The following NT5C2 variants were observed in gnomAD, a reference collection of about 807,000 sequenced individuals.
NT5C2 encodes cytosolic purine 5'-nucleotidase.
A neutral mutation model predicts 76.1 loss-of-function variants in NT5C2; 58 were observed. The ratio of observed to expected loss-of-function variants is 0.76; its 90% CI spans 0.62 to 0.95. The LOEUF (loss-of-function observed/expected upper bound fraction) is 0.95. NT5C2 is among the 40% of genes least tolerant of loss of function. The pLI is 0.00. For synonymous variants in NT5C2, 229 were observed against 237.4 expected (o/e 0.96, Z 0.32); for missense variants, 478 against 690.3 (o/e 0.69, Z 3.45).
At chr10:103,096,044 A>T in intron 11 of NT5C2, 64 bp from the exon 12 acceptor site, 1 of 1,166,980 alleles carries the variant, frequency 8.6e-7, no homozygotes, top group Non-Finnish European at 1.3e-6. Flanking sequence ...TAACCTAAAG[A>T]AATTACAAGC....
At chr10:103,092,145 C>T (rs1020505909) in intron 15 of NT5C2, among the ~76,000 whole-genome samples, 1 of 152,154 alleles carries the variant, frequency 6.6e-6, no homozygotes, top group Non-Finnish European at 1.5e-5. Flanking sequence ...AGCATGCTGC[C>T]GGTGTGTTGC....
chr10:103,157,587 A>T (rs1002677656), intron 3 of NT5C2, among the ~76,000 whole-genome samples: 3 of 152,198 alleles, frequency 2.0e-5, no homozygotes, highest in Non-Finnish European at 2.9e-5. Flanking sequence ...ATGCTACACA[A>T]ATTAAGGTAA....
chr10:103,169,918 A>G (rs1030289427), intron 3 of NT5C2, among the ~76,000 whole-genome samples: 1 of 152,140 alleles, frequency 6.6e-6, no homozygotes, highest in Non-Finnish European at 1.5e-5. Flanking sequence ...CAAGGTCAGG[A>G]GTTCAAGACC....
chr10:103,188,344 C>T (rs2092298019), intron 1 of NT5C2, among the ~76,000 whole-genome samples: 1 of 151,232 alleles, frequency 6.6e-6, no homozygotes, highest in Non-Finnish European at 1.5e-5. Context: ...GGCGACAGTG[C>T]AAAAATCAAA....
chr10:103,184,088 G>A (rs1691035479), intron 1 of NT5C2, among the ~76,000 whole-genome samples: 1 of 151,984 alleles, frequency 6.6e-6, no homozygotes, highest in Admixed American at 6.6e-5. Context: ...AAGTAGCTGG[G>A]ATTACAGGCA....
rs544009506 is a variant in NT5C2, at chr10:103,112,497, T to C, written c.176-5791A>G. ...AGTTAAAAGAAACTACCTAGTCTAGTAAAATAACTGAGTTGAAGATACATA... is the reference window on the plus strand; with the variant it reads ...AGTTAAAAGAAACTACCTAGTCTAGCAAAATAACTGAGTTGAAGATACATA... On this transcript the variant is annotated intron_variant, in intron 4 of 18. Transcript: ENST00000404739. Among the ~76,000 whole-genome samples the C allele has an allele frequency of 2.0e-5, 3 of 152,336 alleles. No individual in the cohort carries two copies. In the East Asian group the frequency reaches 5.8e-4, roughly 29 times the overall value.
chr10:103,089,177 T>C lies in NT5C2; in HGVS notation c.*495A>G, dbSNP rs939238151. On this transcript the variant is annotated 3_prime_UTR_variant, in exon 19 of 19. Coordinates refer to ENST00000404739, the MANE Select transcript of NT5C2 (RefSeq NM_001351169.2). ...GAATTAAAGGCTTATAAAAGAAAAC[T>C]TGACCTTAACAGAGACTACATTTGA... is the stretch of plus-strand genomic sequence containing the variant. 1.7e-4 allele frequency: 39 copies of C among 225,020 alleles called. No individual in the cohort carries two copies. In the Admixed American group the frequency reaches 1.8e-3, roughly 10 times the overall value. The allele number at this position is 225,020 out of a possible 1,614,324, so 13.9% of individuals were successfully genotyped here.
chr10:103,100,545 C>T, intron 8 of NT5C2: 1 of 391,726 alleles, frequency 2.6e-6, no homozygotes, highest in South Asian at 1.9e-5. Context: ...CTATATAATT[C>T]TCCCTAAAGG....
chr10:103,090,958 C>T lies in NT5C2; in HGVS notation c.1250G>A (p.Ser417Asn). The change falls in exon 17 of 19, where the codon AGT becomes AAT. Residue 417 changes from serine (S) to asparagine (N), a missense_variant. Transcript: ENST00000404739. Reference protein sequence around the residue: ...DSSSNERPDISSIQRRIKKVT... With the variant: ...DSSSNERPDINSIQRRIKKVT... ...TACCTTAATACGTCTCTGGATGGAA[C>T]TGATGTCTGGACGCTCATTGCTACT... is the stretch of plus-strand genomic sequence containing the variant. 1 of 1,614,028 alleles carries T rather than the reference C, an allele frequency of 6.2e-7. No individual in the cohort carries two copies. The highest frequency in any genetic ancestry group is 8.5e-7 in the Non-Finnish European group (1 of 1,179,978).
chr10:103,170,806 C>T (rs1478446521), intron 3 of NT5C2, among the ~76,000 whole-genome samples: 3 of 151,834 alleles, frequency 2.0e-5, no homozygotes, highest in African/African-American at 7.3e-5. Context: ...GGACTACAGG[C>T]GTGAACCACC....
At chr10:103,165,205 C>T (rs1031725112) in intron 3 of NT5C2, among the ~76,000 whole-genome samples, 1 of 152,166 alleles carries the variant, frequency 6.6e-6, no homozygotes, top group East Asian at 1.9e-4. Flanking sequence ...AGAAATCCAC[C>T]TGCCTCAGCC....
chr10:103,170,526 CTTTTTT>C (rs71019664), intron 3 of NT5C2, among the ~76,000 whole-genome samples: 177 of 117,762 alleles, frequency 1.5e-3, no homozygotes, highest in African/African-American at 5.1e-3. Context: ...CACATGCACA[CTTTTTT>C]TTTTTTTTTT....
chr10:103,136,167 CAT>C lies in NT5C2; in HGVS notation c.175+3237_175+3238del, dbSNP rs1343170730. On this transcript the variant is annotated intron_variant, in intron 4 of 18. Coordinates refer to ENST00000404739, the MANE Select transcript of NT5C2 (RefSeq NM_001351169.2). ...GCAGCATGAAAACAGACTAATACACCATATGTTTCTATTCATATGAAAATCTC... is the reference window on the plus strand; with the variant it reads ...GCAGCATGAAAACAGACTAATACACCATGTTTCTATTCATATGAAAATCTC... Among the ~76,000 whole-genome samples the C allele has an allele frequency of 2.6e-5, 4 of 152,266 alleles. No individual in the cohort carries two copies. The East Asian group carries it at 7.7e-4, about 29-fold the overall frequency.
chr10:103,184,810 A>G (rs1235964069), intron 1 of NT5C2, among the ~76,000 whole-genome samples: 1 of 152,216 alleles, frequency 6.6e-6, no homozygotes, highest in Non-Finnish European at 1.5e-5. Context: ...TCGGAACAAA[A>G]GCTTCCTTGT....
chr10:103,115,452 TC>T (rs2074117198), intron 4 of NT5C2, among the ~76,000 whole-genome samples: 1 of 152,182 alleles, frequency 6.6e-6, no homozygotes, highest in East Asian at 1.9e-4. Context: ...GAAAAATTCA[TC>T]TTAATAACTT....
chr10:103,127,090 T>C lies in NT5C2; in HGVS notation c.175+12316A>G, dbSNP rs148953453. On this transcript the variant is annotated intron_variant, in intron 4 of 18. Coordinates refer to ENST00000404739, the MANE Select transcript of NT5C2 (RefSeq NM_001351169.2). Reference sequence around the variant, plus strand: ...CAGTGGGGAGAGTTGAGGTTTTCGATTGCATGGGAGCCAGTGCCTTTAGCT... The same window carrying C: ...CAGTGGGGAGAGTTGAGGTTTTCGACTGCATGGGAGCCAGTGCCTTTAGCT... 3.9e-5 allele frequency among the ~76,000 whole-genome samples: 6 copies of C among 152,312 alleles called. No homozygotes were observed. In the East Asian group the frequency reaches 9.6e-4, roughly 24 times the overall value.
chr10:103,093,193 A>T lies in NT5C2; in HGVS notation c.1105T>A (p.Phe369Ile), dbSNP rs1308582415. 1 of 1,611,930 alleles carries T rather than the reference A, an allele frequency of 6.2e-7. No individual in the cohort carries two copies. Among genetic ancestry groups the T allele is most frequent in the Admixed American group, 1.7e-5 (1 of 59,726 alleles). Residue 369 changes from phenylalanine (F) to isoleucine (I), a missense_variant, in exon 15 of 19, where the codon TTT becomes ATT. Transcript: ENST00000404739. ...TGTGCGAGTTCAGGAATCACCAAAA[A>T]AGTTCGCCACCCTTGCCGTTTCTTT... ...KSKKRQGWRT[F>I]LVIPELAQEL...
intron 4 of NT5C2, among the ~76,000 whole-genome samples, chr10:103,122,871 T>C (rs1302111045): frequency 1.3e-5 from 2 of 152,120 alleles, no homozygotes; most frequent in Admixed American, 1.3e-4. Context: ...CAACCATACT[T>C]CTCTACAACT....
At chr10:103,106,483 G>T in intron 5 of NT5C2, 106 bp downstream of exon 5, 1 of 730,146 alleles carries the variant, frequency 1.4e-6, no homozygotes, top group Non-Finnish European at 2.4e-6. Context: ...ATTATTCAAT[G>T]TTTTGGGGGG....
Sources: gnomAD v4.1 joint callset for allele counts (sites outside exome capture counted in the v4.1 genomes callset) on GRCh38, gnomAD v4.1.1 for gene constraint, MANE v1.5 for transcripts, NCBI Gene and HGNC (gene_info 2026-07-23, HGNC 2026-07-21) for gene names.